The following LCP2 variants were observed in gnomAD, a reference collection of about 807,000 sequenced individuals.
The protein encoded by LCP2 is lymphocyte cytosolic protein 2.
A neutral mutation model predicts 74.5 loss-of-function variants in LCP2; 29 were observed. That is an observed-to-expected ratio of 0.39 (90% confidence interval 0.29 to 0.53). The LOEUF (loss-of-function observed/expected upper bound fraction) is 0.53, where lower values mean the gene tolerates loss of function less well. LCP2 is among the 20% of genes least tolerant of loss of function. LCP2 has a pLI of 0.72. For synonymous variants in LCP2, 228 were observed against 229.5 expected (o/e 0.99, Z 0.06); for missense variants, 604 against 634.6 (o/e 0.95, Z 0.52).
chr5:170,249,519 C>T (rs1478718265), intron 20 of LCP2, among the ~76,000 whole-genome samples: 1 of 151,850 alleles, frequency 6.6e-6, no homozygotes, highest in Non-Finnish European at 1.5e-5. Context: ...TTGGTTTCTG[C>T]ATCTCTATTT....
In LCP2 at chr5:170,297,612, G is replaced by C. The variant is rs1378019395; in HGVS notation, c.-1C>G. Reference sequence around the variant, plus strand: ...GAAAGGGCACATTCCTCAGTGCCATGGCTGCTCTCCCGGGAAGAAGCTCAC... The same window carrying C: ...GAAAGGGCACATTCCTCAGTGCCATCGCTGCTCTCCCGGGAAGAAGCTCAC... On this transcript the variant is annotated 5_prime_UTR_variant, in exon 1 of 21. Coordinates refer to ENST00000046794, the MANE Select transcript of LCP2 (RefSeq NM_005565.5). The C allele has an allele frequency of 5.0e-6, 8 of 1,608,772 alleles. No individual in the cohort carries two copies. The highest frequency in any genetic ancestry group is 6.8e-6 in the Non-Finnish European group (8 of 1,177,438).
chr5:170,261,196 CT>C, intron 13 of LCP2, 59 bp from the exon 14 acceptor site: 1 of 1,299,716 alleles, frequency 7.7e-7, no homozygotes, highest in Non-Finnish European at 1.1e-6. Context: ...AAGAGCCAGC[CT>C]TAGAATACAG....
rs77169525 is a variant in LCP2, at chr5:170,250,138, G to A, written c.1479+592C>T. Among the ~76,000 whole-genome samples the A allele has an allele frequency of 3.3e-3, 496 of 152,268 alleles. 6 individuals are homozygous for A. Among genetic ancestry groups the A allele is most frequent in the African/African-American group, 0.011 (451 of 41,560 alleles). On this transcript the variant is annotated intron_variant, in intron 20 of 20. Transcript: ENST00000046794. The stretch of plus-strand genomic sequence containing the variant: ...TTTGAACTTAGAGTATGTTTGGGGC[G>A]TTACCTTCAGTTGTTAGTTTCCTTT...
At chr5:170,260,092 C>G (rs962400373) in intron 14 of LCP2, among the ~76,000 whole-genome samples, 2 of 152,210 alleles carry the variant, frequency 1.3e-5, no homozygotes, top group South Asian at 4.1e-4. Context: ...TCCCCATGGG[C>G]TTTCTTTAAG....
intron 3 of LCP2, 66 bp downstream of exon 3, chr5:170,287,904 C>A: frequency 1.4e-6 from 2 of 1,432,284 alleles, no homozygotes; most frequent in Non-Finnish European, 2.0e-6. Flanking sequence ...ACCCAGCCCC[C>A]ACTCACACTA....
rs375307097 is a variant in LCP2, at chr5:170,266,814, T to C, written c.766A>G (p.Thr256Ala). Residue 256 changes from threonine (T) to alanine (A), a missense_variant, in exon 10 of 21, where the codon ACA becomes GCA. Physicochemically the swap from Thr to Ala is moderately conservative, Grantham distance 58. Transcript: ENST00000046794. Reference sequence around the variant, plus strand: ...AAATGTGAATCATACCCACCTAGTGTGAAGGGTTCTCTATCAAACGGAGCT... The same window carrying C: ...AAATGTGAATCATACCCACCTAGTGCGAAGGGTTCTCTATCAAACGGAGCT... ...SLAPFDREPF[T>A]LGKKPPFSDK... 71 of 1,613,024 alleles carry C rather than the reference T, an allele frequency of 4.4e-5. No homozygotes were observed. In the African/African-American group the frequency reaches 7.6e-4, roughly 17 times the overall value.
chr5:170,268,387 A>G lies in LCP2; in HGVS notation c.619T>C (p.Ser207Pro). The change falls in exon 8 of 21, where the codon TCG becomes CCG. Residue 207 changes from serine to proline, a missense_variant and splice_region_variant. Ser to Pro is a moderately conservative substitution (Grantham distance 74). Coordinates refer to ENST00000046794, the MANE Select transcript of LCP2 (RefSeq NM_005565.5). Reference protein sequence around the residue: ...LPPPPAGRNHSPLPPPQTNHE... With the variant: ...LPPPPAGRNHPPLPPPQTNHE... ...TAAAAGAACGGGAGGAGGCCTACCG[A>G]GTGATTCCGGCCGGCTGGTGGGGGC... The G allele has an allele frequency of 1.7e-6, 1 of 599,582 alleles. No individual in the cohort carries two copies. Among genetic ancestry groups the G allele is most frequent in the East Asian group, 8.7e-5 (1 of 11,510 alleles). The allele number at this position is 599,582 out of a possible 1,614,324, so 37.1% of individuals were successfully genotyped here. A position where few individuals can be genotyped will look rare whatever the true frequency, so the allele number is the denominator to read the frequency against.
At chr5:170,261,834 G>A (rs1169095935) in intron 13 of LCP2, among the ~76,000 whole-genome samples, 1 of 152,184 alleles carries the variant, frequency 6.6e-6, no homozygotes. Context: ...CCTCCTGTGT[G>A]TCAGACGCTT....
Position 170,268,495 on chromosome 5 carries a change from A to G in LCP2, c.524-13T>C. 4.0e-6 allele frequency: 1 copy of G among 250,702 alleles called. No individual in the cohort carries two copies. Among genetic ancestry groups the G allele is most frequent in the Non-Finnish European group, 8.5e-6 (1 of 117,848 alleles). The allele number at this position is 250,702 out of a possible 1,614,324, so 15.5% of individuals were successfully genotyped here. A position where few individuals can be genotyped will look rare whatever the true frequency, so the allele number is the denominator to read the frequency against. ...GAGGGGGGCCGGTCTGTGGAAACAC[A>G]AGGTTATTAAAGTGAAAGGGGAGTA... On this transcript the variant is annotated splice_polypyrimidine_tract_variant and intron_variant, in intron 7 of 20. Transcript: ENST00000046794.
At position 170,293,367 on chromosome 5, in the gene LCP2, G is replaced by C; in HGVS notation, c.84C>G (p.Asn28Lys). Residue 28 changes from asparagine (N) to lysine (K), a missense_variant, in exon 2 of 21, where the codon AAC becomes AAG. Coordinates refer to ENST00000046794, the MANE Select transcript of LCP2 (RefSeq NM_005565.5). ...DSLADYFKKL[N>K]YKDCEKAVKK... is the part of the protein sequence containing the mutation. ...TCACTGCCTTCTCACAGTCCTTATA[G>C]TTGAGCTGCAAAGAGAAGGGGAAGG... The C allele has an allele frequency of 3.8e-6, 6 of 1,596,238 alleles. No homozygotes were observed. The highest frequency in any genetic ancestry group is 5.1e-6 in the Non-Finnish European group (6 of 1,170,838).
At chr5:170,251,121 T>C in intron 19 of LCP2, 1 of 436,520 alleles carries the variant, frequency 2.3e-6, no homozygotes, top group Non-Finnish European at 4.1e-6. Flanking sequence ...TCAAAGAAAT[T>C]TCCAAGTCAA....
In LCP2 at chr5:170,270,897, A is replaced by G. The variant is rs373469557; in HGVS notation, c.345T>C (p.Ser115=). ...CCTCCCCATCCTGGTCATCATTGGG[A>G]CTTTCATAATCGTCTTCTTCCTGCC... is the stretch of plus-strand genomic sequence containing the variant. ...WSSFEEDDYE[S]PNDDQDGEDD... Residue 115 remains serine (S), a synonymous_variant, in exon 7 of 21, where the codon AGT becomes AGC. Coordinates refer to ENST00000046794, the MANE Select transcript of LCP2 (RefSeq NM_005565.5). 120 of 1,612,142 alleles carry G rather than the reference A, an allele frequency of 7.4e-5. No individual in the cohort carries two copies. The highest frequency in any genetic ancestry group is 8.6e-5 in the Non-Finnish European group (102 of 1,179,198).
intron 16 of LCP2, among the ~76,000 whole-genome samples, chr5:170,257,159 G>A (rs914335139): frequency 6.6e-6 from 1 of 152,180 alleles, no homozygotes; most frequent in Non-Finnish European, 1.5e-5. Flanking sequence ...CTAAACCTTT[G>A]GGAAAAGTCT....
At chr5:170,296,741 A>G (rs1762392821) in intron 1 of LCP2, among the ~76,000 whole-genome samples, 1 of 152,078 alleles carries the variant, frequency 6.6e-6, no homozygotes, top group African/African-American at 2.4e-5. Context: ...GGATCCTTCA[A>G]CCTTTCCTCT....
At chr5:170,264,498 G>T (rs1321653870) in intron 10 of LCP2, among the ~76,000 whole-genome samples, 2 of 152,256 alleles carry the variant, frequency 1.3e-5, no homozygotes, top group African/African-American at 2.4e-5. Flanking sequence ...CCCATGATAA[G>T]AATATTGCCT....
At chr5:170,260,062 C>T (rs1204044845) in intron 14 of LCP2, among the ~76,000 whole-genome samples, 4 of 152,194 alleles carry the variant, frequency 2.6e-5, no homozygotes, top group African/African-American at 9.6e-5. Flanking sequence ...TCCACCTGCT[C>T]AGGACACTCC....
chr5:170,247,243 A>G lies in LCP2; in HGVS notation c.*1454T>C, dbSNP rs993328695. 6.6e-5 allele frequency: 10 copies of G among 152,290 alleles called. No homozygotes were observed. Among genetic ancestry groups the G allele is most frequent in the African/African-American group, 2.4e-4 (10 of 41,554 alleles). The allele number at this position is 152,290 out of a possible 1,614,324, so 9.4% of individuals were successfully genotyped here. A position where few individuals can be genotyped will look rare whatever the true frequency, so the allele number is the denominator to read the frequency against. On this transcript the variant is annotated 3_prime_UTR_variant, in exon 21 of 21. Transcript: ENST00000046794. The stretch of plus-strand genomic sequence containing the variant: ...AAATGAATGCAGGGTTTTCAGCCTT[A>G]AACTCCCAAGTTTTGGACCCTAAAC...
intron 13 of LCP2, among the ~76,000 whole-genome samples, chr5:170,261,459 G>A (rs1014649241): frequency 1.3e-5 from 2 of 150,078 alleles, no homozygotes; most frequent in Admixed American, 6.6e-5. Flanking sequence ...CACACTATAT[G>A]TATATACACA....
intron 20 of LCP2, among the ~76,000 whole-genome samples, chr5:170,250,167 A>T (rs1359836972): frequency 6.6e-6 from 1 of 152,172 alleles, no homozygotes; most frequent in Non-Finnish European, 1.5e-5. Flanking sequence ...TTCCTTTGCG[A>T]AAAACTAGCC....
Sources: gnomAD v4.1 joint callset for allele counts (sites outside exome capture counted in the v4.1 genomes callset) on GRCh38, gnomAD v4.1.1 for gene constraint, MANE v1.5 for transcripts, NCBI Gene and HGNC (gene_info 2026-07-23, HGNC 2026-07-21) for gene names.